SLC16A12: variants seen among roughly 807,000 people sequenced by gnomAD.
The protein encoded by SLC16A12 is monocarboxylate transporter 12.
In SLC16A12, 17 loss-of-function variants were observed where a neutral mutation model predicts 42.4. The observed-to-expected ratio is 0.40, with a 90% CI of 0.27 to 0.60. SLC16A12 has a LOEUF of 0.60. SLC16A12 is among the 20% of genes least tolerant of loss of function. The pLI, the probability that SLC16A12 is intolerant of heterozygous loss-of-function variation, is 0.42. For synonymous variants in SLC16A12, 224 were observed against 229.4 expected (o/e 0.98, Z 0.21); for missense variants, 544 against 623.0 (o/e 0.87, Z 1.35).
At chr10:89,490,591 A>T (rs303185) in intron 2 of SLC16A12, among the ~76,000 whole-genome samples, 84,363 of 152,020 alleles carry the variant, frequency 0.55, 24,181 homozygotes, top group African/African-American at 0.68. Context: ...ATGGAAGAGA[A>T]GCATAAGGCA....
intron 2 of SLC16A12, among the ~76,000 whole-genome samples, chr10:89,486,598 AAAAAAAAAGAAAG>A (rs1440757268): frequency 3.9e-5 from 5 of 128,088 alleles, no homozygotes; most frequent in Non-Finnish European, 7.9e-5. Context: ...TCTCAAAAAA[AAAAAAAAAGAAAG>A]AAAGAAAGAA....
At chr10:89,496,949 C>A (rs1354424852) in intron 2 of SLC16A12, among the ~76,000 whole-genome samples, 2 of 152,088 alleles carry the variant, frequency 1.3e-5, no homozygotes, top group Non-Finnish European at 2.9e-5. Flanking sequence ...GACAGGCAAT[C>A]CACACAAAAG....
At chr10:89,469,657 C>G (rs1842462533) in intron 2 of SLC16A12, among the ~76,000 whole-genome samples, 1 of 152,148 alleles carries the variant, frequency 6.6e-6, no homozygotes, top group Non-Finnish European at 1.5e-5. Context: ...TTGTCTGTAG[C>G]CACAAAAGAG....
intron 6 of SLC16A12, among the ~76,000 whole-genome samples, chr10:89,437,266 T>C (rs1399948915): frequency 2.0e-5 from 3 of 152,254 alleles, no homozygotes; most frequent in Non-Finnish European, 4.4e-5. Context: ...GGTATTCCCA[T>C]TAATTTTCCT....
chr10:89,511,102 A>G (rs912071199), intron 2 of SLC16A12, among the ~76,000 whole-genome samples: 6 of 152,260 alleles, frequency 3.9e-5, no homozygotes, highest in Non-Finnish European at 8.8e-5. Context: ...GAGGATGTAG[A>G]GAAATAGAAA....
At chr10:89,554,412 T>C (rs2133893796) in intron 2 of SLC16A12, among the ~76,000 whole-genome samples, 1 of 152,366 alleles carries the variant, frequency 6.6e-6, no homozygotes, top group East Asian at 1.9e-4. Context: ...GCTCTTTTAA[T>C]GGCCGAGAAA....
chr10:89,535,050 G>A (rs757011619), intron 1 of SLC16A12, among the ~76,000 whole-genome samples: 1 of 152,088 alleles, frequency 6.6e-6, no homozygotes. Context: ...TAGCACACAC[G>A]GGAAATAAAT....
chr10:89,462,837 T>G (rs1422454461), intron 2 of SLC16A12: 1 of 475,608 alleles, frequency 2.1e-6, no homozygotes, highest in Non-Finnish European at 3.6e-6. Context: ...CAAATGCATG[T>G]CTACTCTATT....
intron 2 of SLC16A12, among the ~76,000 whole-genome samples, chr10:89,498,927 G>A (rs1455247328): frequency 6.6e-6 from 1 of 152,168 alleles, no homozygotes; most frequent in East Asian, 1.9e-4. Context: ...TATAGGAAAA[G>A]GGGAGAGTAC....
At chr10:89,512,166 G>A (rs1316628599) in intron 2 of SLC16A12, among the ~76,000 whole-genome samples, 1 of 152,176 alleles carries the variant, frequency 6.6e-6, no homozygotes, top group East Asian at 1.9e-4. Context: ...AGAAAGGGGA[G>A]TTAGTATTTA....
At chr10:89,509,477 A>G (rs1294823971) in intron 2 of SLC16A12, among the ~76,000 whole-genome samples, 1 of 152,210 alleles carries the variant, frequency 6.6e-6, no homozygotes, top group Admixed American at 6.5e-5. Flanking sequence ...ACATAAACAG[A>G]ACCAACAACA....
intron 7 of SLC16A12, among the ~76,000 whole-genome samples, chr10:89,435,368 C>T (rs1309478283): frequency 3.9e-5 from 6 of 152,146 alleles, no homozygotes; most frequent in Non-Finnish European, 5.9e-5. Flanking sequence ...TCTCATTCAC[C>T]TCTGTATGCT....
Position 89,475,190 on chromosome 10 carries a change from A to T in SLC16A12, c.-46-12566T>A, listed in dbSNP as rs886322130. 3.7e-4 allele frequency among the ~76,000 whole-genome samples: 56 copies of T among 152,212 alleles called. 1 individual carries two copies. Among genetic ancestry groups the T allele is most frequent in the Non-Finnish European group, 7.3e-5 (5 of 68,040 alleles). ...ATCCTGGCCTATGGCTAGGAAACAG[A>T]GAGGAAACCATGTGTATTAAAGGGT... On this transcript the variant is annotated intron_variant, in intron 2 of 7. Coordinates refer to ENST00000371790, the MANE Select transcript of SLC16A12 (RefSeq NM_213606.4).
chr10:89,460,337 T>C (rs1842277330), intron 3 of SLC16A12, among the ~76,000 whole-genome samples: 1 of 151,968 alleles, frequency 6.6e-6, no homozygotes, highest in South Asian at 2.1e-4. Flanking sequence ...AATCTAGACT[T>C]CTTAATGTCC....
chr10:89,490,095 A>G (rs1276899523), intron 2 of SLC16A12, among the ~76,000 whole-genome samples: 1 of 152,260 alleles, frequency 6.6e-6, no homozygotes, highest in African/African-American at 2.4e-5. Context: ...GGGTCTTTAT[A>G]TGAAGAGGAA....
rs577881712 is a variant in SLC16A12 at position 89,498,259 on chromosome 10, A to T, written c.-46-35635T>A. The stretch of plus-strand genomic sequence containing the variant: ...AGGTGGGAAGATGGCTTGAGCCCAG[A>T]AGGTCAAGGCTGTGGTGAGCCCCGA... On this transcript the variant is annotated intron_variant, in intron 2 of 7. Coordinates refer to ENST00000371790, the MANE Select transcript of SLC16A12 (RefSeq NM_213606.4). Among the ~76,000 whole-genome samples, 4 of 152,242 alleles carry T rather than the reference A, an allele frequency of 2.6e-5. No individual in the cohort carries two copies. The East Asian group carries it at 7.7e-4, about 29-fold the overall frequency.
upstream of SLC16A12, among the ~76,000 whole-genome samples, chr10:89,539,868 T>TCTTTCTTTCTTTCTTTCTTTCTTC (rs1843701561): frequency 7.1e-6 from 1 of 140,738 alleles, no homozygotes; most frequent in South Asian, 2.3e-4. Context: ...TTTCTTTCTT[T>TCTTTCTTTCTTTCTTTCTTTCTTC]CTTTCTTTCT....
chr10:89,555,225 C>T (rs1362376975), intron 2 of SLC16A12, among the ~76,000 whole-genome samples: 1 of 151,342 alleles, frequency 6.6e-6, no homozygotes, highest in African/African-American at 2.4e-5. Flanking sequence ...TGAGGCTGAA[C>T]TCAAATTCTT....
intron 3 of SLC16A12, among the ~76,000 whole-genome samples, chr10:89,459,767 C>T (rs1439355754): frequency 6.6e-6 from 1 of 152,080 alleles, no homozygotes; most frequent in Non-Finnish European, 1.5e-5. Flanking sequence ...TGGTGAAACC[C>T]CGTCTCTATT....
Sources: allele counts gnomAD v4.1 joint callset (sites outside exome capture counted in the v4.1 genomes callset), GRCh38; gene constraint gnomAD v4.1.1; transcripts MANE v1.5; gene names NCBI Gene and HGNC (gene_info 2026-07-23, HGNC 2026-07-21).